Variants in TIMP3 observed in about 807,000 individuals in gnomAD.
TIMP3 encodes the protein TIMP metallopeptidase inhibitor 3, also known as metalloproteinase inhibitor 3.
TIMP3 carries 11 observed loss-of-function variants against 30.0 expected under a neutral mutation model. That is an observed-to-expected ratio of 0.37 (90% CI 0.23 to 0.61). TIMP3 has a LOEUF of 0.61. Ranked by LOEUF, TIMP3 falls within the 20% of genes least tolerant of loss-of-function variation. TIMP3 has a pLI of 0.70. For synonymous variants in TIMP3, 112 were observed against 111.3 expected, an observed-to-expected ratio of 1.01 and a Z score of -0.04; for missense variants, 181 against 276.8, an observed-to-expected ratio of 0.65 and a Z score of 2.45.
chr22:32,818,289 G>A (rs753843138), intron 1 of TIMP3, among the ~76,000 whole-genome samples: 5 of 152,224 alleles, frequency 3.3e-5, no homozygotes, highest in African/African-American at 4.8e-5. Flanking sequence ...GGCAAAGCAA[G>A]GACGGGCACA....
In TIMP3 at chr22:32,857,256, G is replaced by A. The variant is rs1230937548; in HGVS notation, c.212G>A (p.Arg71Gln). The change falls in exon 3 of 5, where the codon CGA (arginine) becomes CAA (glutamine). Residue 71 changes from arginine (R) to glutamine (Q), a missense_variant. Arg to Gln is a conservative substitution (Grantham distance 43). Around this residue, in one of 3 missense-constraint regions of TIMP3, gnomAD observed 63 missense variants for 133.3 expected, o/e 0.47. Transcript: ENST00000266085. ...TGTTCCTTTTGCCCACAGATGTACC[G>A]AGGCTTCACCAAGATGCCCCATGTG... ...VYTIKQMKMY[R>Q]GFTKMPHVQY... is the part of the protein sequence containing the mutation. 3.1e-6 allele frequency: 5 copies of A among 1,613,732 alleles called. No homozygotes were observed. In the South Asian group the frequency reaches 3.3e-5, roughly 11 times the overall value.
At chr22:32,828,414 G>A (rs1038534004) in intron 1 of TIMP3, among the ~76,000 whole-genome samples, 2 of 152,240 alleles carry the variant, frequency 1.3e-5, no homozygotes, top group African/African-American at 4.8e-5. Context: ...GCCGGCTGCT[G>A]TGTTAGAGCC....
chr22:32,840,924 C>T (rs2047882147), intron 1 of TIMP3, among the ~76,000 whole-genome samples: 1 of 152,194 alleles, frequency 6.6e-6, no homozygotes, highest in African/African-American at 2.4e-5. Context: ...CTCTCTATCC[C>T]TGTATACGTC....
intron 1 of TIMP3, among the ~76,000 whole-genome samples, chr22:32,813,534 CA>C (rs2046972725): frequency 7.1e-6 from 1 of 141,452 alleles, no homozygotes; most frequent in African/African-American, 2.6e-5. Context: ...CACACACACA[CA>C]CGTGGACCAA....
intron 1 of TIMP3, among the ~76,000 whole-genome samples, chr22:32,817,062 TA>T (rs130284): frequency 2.3e-4 from 34 of 144,998 alleles, no homozygotes; most frequent in Middle Eastern, 3.5e-3. Flanking sequence ...TCTACTAATT[TA>T]AAAAAAAAAA....
chr22:32,819,946 C>A (rs2047189174), intron 1 of TIMP3, among the ~76,000 whole-genome samples: 2 of 152,166 alleles, frequency 1.3e-5, no homozygotes, highest in Non-Finnish European at 2.9e-5. Flanking sequence ...TGATATCCAT[C>A]CTACCACATG....
intron 1 of TIMP3, among the ~76,000 whole-genome samples, chr22:32,824,341 T>A (rs2047340704): frequency 8.5e-6 from 1 of 117,634 alleles, no homozygotes; most frequent in South Asian, 3.0e-4. Flanking sequence ...GTTCCATCAG[T>A]GTTGTGACAG....
intron 1 of TIMP3, among the ~76,000 whole-genome samples, chr22:32,812,455 G>C (rs2046940497): frequency 6.6e-6 from 1 of 152,176 alleles, no homozygotes; most frequent in Admixed American, 6.5e-5. Flanking sequence ...CTTAGTCGAT[G>C]GCTAGAATTA....
intron 1 of TIMP3, among the ~76,000 whole-genome samples, chr22:32,811,325 T>A (rs916069166): frequency 1.4e-4 from 21 of 152,232 alleles, no homozygotes; most frequent in African/African-American, 4.8e-4. Flanking sequence ...CCTTAGTCTA[T>A]ACAAGAGACT....
At chr22:32,814,324 A>AAAGAAAGAAAGGAAGAAAGG (rs2047020225) in intron 1 of TIMP3, among the ~76,000 whole-genome samples, 2 of 65,910 alleles carry the variant, frequency 3.0e-5, no homozygotes, top group Non-Finnish European at 6.3e-5. Flanking sequence ...AGACAGAAAG[A>AAAGAAAGAAAGGAAGAAAGG]AAGAAAGAAA....
chr22:32,804,945 G>C (rs943814034), intron 1 of TIMP3, among the ~76,000 whole-genome samples: 39 of 152,282 alleles, frequency 2.6e-4, no homozygotes, highest in African/African-American at 9.1e-4. Flanking sequence ...GCCTCGGCCC[G>C]GGCAAATCTG....
intron 1 of TIMP3, among the ~76,000 whole-genome samples, chr22:32,825,788 C>G (rs951893433): frequency 2.8e-5 from 4 of 141,974 alleles, no homozygotes; most frequent in African/African-American, 1.0e-4. Flanking sequence ...GGATGTTTAT[C>G]ATAGAGTTGT....
intron 1 of TIMP3, among the ~76,000 whole-genome samples, chr22:32,830,953 GT>G (rs201162932): frequency 7.2e-5 from 11 of 151,756 alleles, no homozygotes; most frequent in Admixed American, 1.3e-4. Context: ...AAAAATGTGT[GT>G]TTTTTTTTCC....
intron 1 of TIMP3, among the ~76,000 whole-genome samples, chr22:32,816,392 G>A (rs1226705703): frequency 6.6e-6 from 1 of 152,168 alleles, no homozygotes; most frequent in Admixed American, 6.5e-5. Context: ...CATTGGGTGA[G>A]CACTTAGCCA....
At chr22:32,820,197 A>G (rs2047197344) in intron 1 of TIMP3, among the ~76,000 whole-genome samples, 1 of 151,790 alleles carries the variant, frequency 6.6e-6, no homozygotes. Flanking sequence ...TCACTCCCTC[A>G]GGGCATGATC....
intron 1 of TIMP3, among the ~76,000 whole-genome samples, chr22:32,810,998 C>T (rs1175473863): frequency 1.3e-5 from 2 of 151,964 alleles, no homozygotes; most frequent in African/African-American, 4.8e-5. Context: ...TATTATGTAC[C>T]ACGTGGTAAC....
chr22:32,854,127 A>G lies in TIMP3; in HGVS notation c.205-3122A>G, dbSNP rs967477948. 2.0e-5 allele frequency among the ~76,000 whole-genome samples: 3 copies of G among 152,354 alleles called. No homozygotes were observed. In the East Asian group the frequency reaches 5.8e-4, roughly 29 times the overall value. On this transcript the variant is annotated intron_variant, in intron 2 of 4. Coordinates refer to ENST00000266085, the MANE Select transcript of TIMP3 (RefSeq NM_000362.5). ...TGATTACAGACATGATACTTTTAGA[A>G]TCAATATTTAAATCAAGGTAGGATT...
rs764214887 is a variant in TIMP3, at chr22:32,859,327, C to A, written c.586C>A (p.Arg196=). The A allele has an allele frequency of 3.1e-6, 5 of 1,613,792 alleles. No individual in the cohort carries two copies. The East Asian group carries it at 1.1e-4, about 36-fold the overall frequency. ...RQKGGYCSWY[R]GWAPPDKSII... ...GAAGGGCGGCTACTGCAGCTGGTAC[C>A]GAGGATGGGCCCCCCCGGATAAAAG... Residue 196 remains arginine (R), a synonymous_variant, in exon 5 of 5, where the codon CGA becomes AGA. Transcript: ENST00000266085.
At chr22:32,805,881 A>T (rs2046720628) in intron 1 of TIMP3, among the ~76,000 whole-genome samples, 1 of 152,034 alleles carries the variant, frequency 6.6e-6, no homozygotes. Flanking sequence ...GGTTTTCTTT[A>T]AAAATATGAA....
Sources: gnomAD v4.1 joint callset for allele counts (sites outside exome capture counted in the v4.1 genomes callset) on GRCh38, gnomAD v4.1.1 for gene constraint, gnomAD v4.1.1 regional missense constraint, MANE v1.5 for transcripts, NCBI Gene and HGNC (gene_info 2026-07-23, HGNC 2026-07-21) for gene names.